SLC30A7: variants seen among roughly 807,000 people sequenced by gnomAD.
The protein encoded by SLC30A7 is solute carrier family 30 member 7, also known as zinc transporter 7.
Under a neutral mutation model 46.0 loss-of-function variants are expected in SLC30A7, and 35 were observed. That is an observed-to-expected ratio of 0.76 (90% confidence interval 0.58 to 1.01). The LOEUF is 1.01. Among genes scored for constraint, SLC30A7 ranks in the 50% least tolerant of loss-of-function variants. The pLI is 0.00. For synonymous variants in SLC30A7, 147 were observed against 157.8 expected (o/e 0.93, Z 0.51); for missense variants, 464 against 451.1 (o/e 1.03, Z -0.26).
intron 8 of SLC30A7, among the ~76,000 whole-genome samples, chr1:100,932,318 G>A (rs1312984195): frequency 6.6e-6 from 1 of 152,142 alleles, no homozygotes; most frequent in Non-Finnish European, 1.5e-5. Flanking sequence ...GGGAGGCTGA[G>A]GCAGGAGAAT....
At chr1:100,958,844 T>C (rs1655385656) in intron 8 of SLC30A7, among the ~76,000 whole-genome samples, 1 of 152,174 alleles carries the variant, frequency 6.6e-6, no homozygotes, top group Non-Finnish European at 1.5e-5. Flanking sequence ...GGAAACACAA[T>C]CTGGTAATTA....
At position 100,896,321 on chromosome 1, in the gene SLC30A7, G is replaced by T; in HGVS notation, c.59G>T (p.Gly20Val). 6.2e-7 allele frequency: 1 copy of T among 1,614,212 alleles called. No individual in the cohort carries two copies. The highest frequency in any genetic ancestry group is 8.5e-7 in the Non-Finnish European group (1 of 1,180,042). Residue 20 changes from glycine to valine, a missense_variant, in exon 1 of 11, where the codon GGC becomes GTC. Coordinates refer to ENST00000357650, the MANE Select transcript of SLC30A7 (RefSeq NM_133496.5). ...AAACCACCCAAGTTCAATTTGTTCG[G>T]CAAGATCTCGGGCTGGTTTAGGTGC... ...EYKPPKFNLF[G>V]KISGWFRSIL... is the part of the protein sequence containing the mutation.
chr1:100,910,984 C>A, intron 3 of SLC30A7, 79 bp from the exon 4 acceptor site: 1 of 1,130,716 alleles, frequency 8.8e-7, no homozygotes, highest in Non-Finnish European at 1.3e-6. Context: ...GGTTTGGAAT[C>A]TCTGAATGTA....
chr1:100,972,845 T>C (rs900495877), intron 10 of SLC30A7, among the ~76,000 whole-genome samples: 1 of 152,068 alleles, frequency 6.6e-6, no homozygotes, highest in East Asian at 1.9e-4. Context: ...AAATATTGGA[T>C]GAATATGTAA....
At chr1:100,959,423 T>G (rs1454801542) in intron 8 of SLC30A7, among the ~76,000 whole-genome samples, 1 of 152,220 alleles carries the variant, frequency 6.6e-6, no homozygotes, top group Non-Finnish European at 1.5e-5. Flanking sequence ...GTTGCCTGGC[T>G]CAGGATCTCT....
chr1:100,937,411 A>G lies in SLC30A7; in HGVS notation c.842+15570A>G, dbSNP rs532329552. ...TTCACCTACAATGCAGAAGGGTTGT[A>G]ATTTCTCCACATGCTTTCCAAAACT... On this transcript the variant is annotated intron_variant, in intron 8 of 10. Transcript: ENST00000357650. Among the ~76,000 whole-genome samples, 5 of 152,240 alleles carry G rather than the reference A, an allele frequency of 3.3e-5. No homozygotes were observed. The East Asian group carries it at 9.6e-4, about 29-fold the overall frequency.
intron 8 of SLC30A7, among the ~76,000 whole-genome samples, chr1:100,945,718 C>T (rs906661200): frequency 2.0e-5 from 3 of 152,094 alleles, no homozygotes; most frequent in South Asian, 2.1e-4. Flanking sequence ...AGTCAGGTAA[C>T]GTGATGCCTC....
downstream of SLC30A7, among the ~76,000 whole-genome samples, chr1:100,982,476 C>G (rs1402417630): frequency 6.6e-6 from 1 of 152,208 alleles, no homozygotes; most frequent in Non-Finnish European, 1.5e-5. Flanking sequence ...CAAATCTTTC[C>G]CATTCAATTC....
chr1:100,904,084 C>T (rs551984516), intron 2 of SLC30A7, among the ~76,000 whole-genome samples: 1 of 151,580 alleles, frequency 6.6e-6, no homozygotes, highest in Admixed American at 6.5e-5. Context: ...CACTTTTATA[C>T]TATACTCTAT....
intron 5 of SLC30A7, among the ~76,000 whole-genome samples, 171 bp from the exon 6 acceptor site, chr1:100,913,492 C>T (rs1047369731): frequency 7.2e-5 from 11 of 152,206 alleles, no homozygotes; most frequent in African/African-American, 2.2e-4. Context: ...TCTGGTACTC[C>T]ATAGCAGAAA....
chr1:100,993,554 A>G, the SLC30A7 span, among the ~76,000 whole-genome samples: 1 of 72,708 alleles, frequency 1.4e-5, no homozygotes, highest in Non-Finnish European at 2.7e-5. Flanking sequence ...TCTGTCGAAA[A>G]TATAAATATA....
chr1:100,907,133 C>T (rs535074140), intron 3 of SLC30A7, among the ~76,000 whole-genome samples, 168 bp downstream of exon 3: 1 of 152,310 alleles, frequency 6.6e-6, no homozygotes, highest in South Asian at 2.1e-4. Context: ...AGGGTAACCA[C>T]TTTCATGACT....
downstream of SLC30A7, among the ~76,000 whole-genome samples, chr1:100,982,831 A>G (rs867133556): frequency 1.3e-5 from 2 of 152,268 alleles, no homozygotes; most frequent in South Asian, 4.1e-4. Flanking sequence ...GCCCCTCTGC[A>G]TACCTGCTAG....
chr1:100,962,730 T>C (rs141815302), intron 9 of SLC30A7, among the ~76,000 whole-genome samples: 33 of 152,352 alleles, frequency 2.2e-4, no homozygotes, highest in African/African-American at 6.7e-4. Flanking sequence ...ATAAATCCTA[T>C]GTTTTTAAGA....
chr1:100,993,067 C>T, the SLC30A7 span, among the ~76,000 whole-genome samples: 2 of 152,166 alleles, frequency 1.3e-5, no homozygotes, highest in Admixed American at 1.3e-4. Context: ...TTGGTCTATA[C>T]TCTAGCTTAA....
At chr1:100,985,784 C>T (rs115792102), downstream of SLC30A7, among the ~76,000 whole-genome samples, 964 of 152,150 alleles carry the variant, frequency 6.3e-3, 16 homozygotes, top group African/African-American at 0.02. Context: ...GGATCTTAGA[C>T]ATGGCAACAG....
the SLC30A7 span, among the ~76,000 whole-genome samples, chr1:100,992,423 T>C: frequency 3.3e-5 from 5 of 152,222 alleles, no homozygotes; most frequent in African/African-American, 1.2e-4. Context: ...GGAATGGTGT[T>C]AATTATACTA....
chr1:100,976,436 T>C lies in SLC30A7; in HGVS notation c.*1579T>C, dbSNP rs1481306053. On this transcript the variant is annotated 3_prime_UTR_variant, in exon 11 of 11. Coordinates refer to ENST00000357650, the MANE Select transcript of SLC30A7 (RefSeq NM_133496.5). ...CTAACACAGGTATCTAGGAAGTAAG[T>C]GCTGAGTTGATTTTCTAGGTTCTTA... The C allele has an allele frequency of 6.6e-6, 1 of 152,230 alleles. No homozygotes were observed. Among genetic ancestry groups the C allele is most frequent in the African/African-American group, 2.4e-5 (1 of 41,456 alleles). 9.4% of individuals were successfully genotyped at this position (152,230 alleles called of 1,614,324 possible).
intron 8 of SLC30A7, among the ~76,000 whole-genome samples, chr1:100,955,477 C>G (rs1184550260): frequency 1.3e-5 from 2 of 152,058 alleles, no homozygotes; most frequent in East Asian, 3.8e-4. Flanking sequence ...TGACTCATCT[C>G]TTTTTATTTA....
Sources: gnomAD v4.1 joint callset for allele counts (sites outside exome capture counted in the v4.1 genomes callset) on GRCh38, gnomAD v4.1.1 for gene constraint, MANE v1.5 for transcripts, NCBI Gene and HGNC (gene_info 2026-07-23, HGNC 2026-07-21) for gene names.